GRID1: variants seen among roughly 807,000 people sequenced by gnomAD.
GRID1 encodes the protein glutamate ionotropic receptor delta type subunit 1, also known as glutamate receptor ionotropic, delta-1.
GRID1 carries 28 observed loss-of-function variants against 98.0 expected under a neutral mutation model. The observed-to-expected ratio is 0.29, with a 90% confidence interval of 0.21 to 0.39. The LOEUF (loss-of-function observed/expected upper bound fraction) is 0.39. Among genes scored for constraint, GRID1 ranks in the 10% least tolerant of loss-of-function variants. GRID1 has a pLI of 1.00. For missense variants in GRID1, 1,111 were observed against 1,340.5 expected (o/e 0.83, Z 2.67); for synonymous variants, 553 against 538.5 (o/e 1.03, Z -0.37).
At chr10:85,980,514 G>A (rs539723502) in intron 4 of GRID1, among the ~76,000 whole-genome samples, 1 of 152,196 alleles carries the variant, frequency 6.6e-6, no homozygotes, top group Non-Finnish European at 1.5e-5. Flanking sequence ...CAAATTTCTG[G>A]TTCCCCAAGC....
At chr10:86,242,610 A>G (rs1026613443) in intron 2 of GRID1, among the ~76,000 whole-genome samples, 3 of 152,188 alleles carry the variant, frequency 2.0e-5, no homozygotes, top group African/African-American at 7.2e-5. Flanking sequence ...CAAGGGGCTA[A>G]GGCCATATAG....
intron 4 of GRID1, among the ~76,000 whole-genome samples, chr10:86,084,905 G>T (rs370877635): frequency 6.6e-6 from 1 of 152,070 alleles, no homozygotes; most frequent in Non-Finnish European, 1.5e-5. Flanking sequence ...TTGTTTCATG[G>T]GTACAAAGTT....
At chr10:85,971,512 A>G (rs1589318962) in intron 4 of GRID1, among the ~76,000 whole-genome samples, 1 of 152,160 alleles carries the variant, frequency 6.6e-6, no homozygotes, top group African/African-American at 2.4e-5. Context: ...CAACAACCCA[A>G]TTGAAAAAGT....
rs1844975739 is a variant in GRID1, at chr10:86,139,154, A to G, written c.521-130T>C. ...AAAAATGAGGGTCCAAGTCAGCCTCAGTGATTCCCGTAAACAGAGGTTGGA... is the reference window on the plus strand; with the variant it reads ...AAAAATGAGGGTCCAAGTCAGCCTCGGTGATTCCCGTAAACAGAGGTTGGA... On this transcript the variant is annotated intron_variant, in intron 3 of 15. Transcript: ENST00000327946. The G allele has an allele frequency of 1.0e-5, 7 of 669,320 alleles. No homozygotes were observed. The South Asian group carries it at 1.2e-4, about 12-fold the overall frequency. 41.5% of individuals were successfully genotyped at this position (669,320 alleles called of 1,614,324 possible). A position where few individuals can be genotyped will look rare whatever the true frequency, so the allele number is the denominator to read the frequency against.
At chr10:85,977,148 T>C (rs1179059849) in intron 4 of GRID1, among the ~76,000 whole-genome samples, 2 of 152,222 alleles carry the variant, frequency 1.3e-5, no homozygotes, top group Non-Finnish European at 2.9e-5. Flanking sequence ...ATAAATGTGA[T>C]TAGTGTCTAC....
chr10:86,009,007 C>G (rs1842894958), intron 4 of GRID1, among the ~76,000 whole-genome samples: 1 of 152,104 alleles, frequency 6.6e-6, no homozygotes, highest in Non-Finnish European at 1.5e-5. Flanking sequence ...AGACACCATT[C>G]ACAACAGCGT....
intron 12 of GRID1, among the ~76,000 whole-genome samples, chr10:85,701,143 A>AAAAAATTAATGGGATAC (rs1324254513): frequency 6.6e-6 from 1 of 152,158 alleles, no homozygotes; most frequent in Non-Finnish European, 1.5e-5. Flanking sequence ...GGGGAGAAGG[A>AAAAAATTAATGGGATAC]AAAAATTAAT....
chr10:86,290,121 T>A (rs1252221621), intron 2 of GRID1, among the ~76,000 whole-genome samples: 1 of 152,218 alleles, frequency 6.6e-6, no homozygotes, highest in Non-Finnish European at 1.5e-5. Flanking sequence ...TTAAACAAGT[T>A]TAACTGGTAT....
chr10:86,243,131 G>A (rs546392391), intron 2 of GRID1, among the ~76,000 whole-genome samples: 41 of 152,334 alleles, frequency 2.7e-4, no homozygotes, highest in African/African-American at 9.9e-4. Context: ...CTATCTGACA[G>A]TGGTGGTGGT....
intron 8 of GRID1, among the ~76,000 whole-genome samples, chr10:85,832,277 G>A (rs963001429): frequency 6.6e-6 from 1 of 151,536 alleles, no homozygotes; most frequent in African/African-American, 2.4e-5. Context: ...TTCAGAAATA[G>A]AGAAAAATAC....
chr10:86,167,315 T>C (rs1447934183), intron 3 of GRID1, among the ~76,000 whole-genome samples: 1 of 152,202 alleles, frequency 6.6e-6, no homozygotes, highest in Non-Finnish European at 1.5e-5. Flanking sequence ...AGAGGAAGAC[T>C]GAAGGCCTGA....
chr10:86,010,108 T>C (rs1055488090), intron 4 of GRID1, among the ~76,000 whole-genome samples: 10 of 152,230 alleles, frequency 6.6e-5, no homozygotes, highest in Non-Finnish European at 1.2e-4. Context: ...AAACTCTTTC[T>C]CCTCCAGGAA....
chr10:85,766,830 T>G (rs1190867626), intron 8 of GRID1, among the ~76,000 whole-genome samples: 1 of 152,028 alleles, frequency 6.6e-6, no homozygotes, highest in Admixed American at 6.6e-5. Context: ...ATTATAATTT[T>G]TTCTCATTAA....
rs114436320 is a variant in GRID1 at position 86,142,134 on chromosome 10, G to T, written c.521-3110C>A. Reference sequence around the variant, plus strand: ...GGAATGTGGGGACACATAGGGGAGAGTCAGGCAGGCACCCAGGCAGCCATC... The same window carrying T: ...GGAATGTGGGGACACATAGGGGAGATTCAGGCAGGCACCCAGGCAGCCATC... On this transcript the variant is annotated intron_variant, in intron 3 of 15. Transcript: ENST00000327946. 1.5e-3 allele frequency among the ~76,000 whole-genome samples: 236 copies of T among 152,330 alleles called. 1 individual carries two copies. Among genetic ancestry groups the T allele is most frequent in the African/African-American group, 5.6e-3 (234 of 41,584 alleles).
intron 2 of GRID1, among the ~76,000 whole-genome samples, chr10:86,251,471 C>G (rs1846830924): frequency 6.6e-6 from 1 of 152,178 alleles, no homozygotes; most frequent in Admixed American, 6.5e-5. Flanking sequence ...GCTCAGTTCC[C>G]TCATGTCTGC....
chr10:86,089,030 C>T (rs1045866878), intron 4 of GRID1, among the ~76,000 whole-genome samples: 4 of 152,152 alleles, frequency 2.6e-5, no homozygotes, highest in East Asian at 1.9e-4. Flanking sequence ...AAAGGAAGTG[C>T]GGTTTCACCT....
intron 5 of GRID1, among the ~76,000 whole-genome samples, chr10:85,890,836 A>C (rs756274428): frequency 2.0e-5 from 3 of 152,166 alleles, no homozygotes; most frequent in Non-Finnish European, 4.4e-5. Context: ...AATTACACAC[A>C]CATACACAAA....
intron 3 of GRID1, among the ~76,000 whole-genome samples, chr10:86,203,221 T>C (rs897327935): frequency 1.3e-5 from 2 of 152,306 alleles, no homozygotes; most frequent in Admixed American, 6.5e-5. Flanking sequence ...TACACTTAAT[T>C]TGCTTTTGAA....
Position 85,693,891 on chromosome 10 carries a change from C to T in GRID1, c.1997+29112G>A, listed in dbSNP as rs145456093. Reference sequence around the variant, plus strand: ...TAGGCAAATAATTTATGTCTAAGACCGCAAATGCGTAAGCAACAAAATCAA... The same window carrying T: ...TAGGCAAATAATTTATGTCTAAGACTGCAAATGCGTAAGCAACAAAATCAA... On this transcript the variant is annotated intron_variant, in intron 12 of 15. Transcript: ENST00000327946. 1.9e-3 allele frequency among the ~76,000 whole-genome samples: 288 copies of T among 152,124 alleles called. 1 individual carries two copies. The highest frequency in any genetic ancestry group is 0.014 in the Middle Eastern group (4 of 294).
Sources: gnomAD v4.1 joint callset for allele counts (sites outside exome capture counted in the v4.1 genomes callset) on GRCh38, gnomAD v4.1.1 for gene constraint, MANE v1.5 for transcripts, NCBI Gene and HGNC (gene_info 2026-07-23, HGNC 2026-07-21) for gene names.